Variants in KATNIP observed in about 807,000 individuals in gnomAD.
KATNIP encodes the protein katanin interacting protein.
In KATNIP, 126 loss-of-function variants were observed where a neutral mutation model predicts 174.0. That is an observed-to-expected ratio of 0.72 (90% CI 0.63 to 0.84). The LOEUF (loss-of-function observed/expected upper bound fraction) is 0.84. KATNIP is among the 40% of genes least tolerant of loss of function. KATNIP has a pLI of 0.00. For synonymous variants in KATNIP, 810 were observed against 835.7 expected (o/e 0.97, Z 0.53); for missense variants, 1,958 against 2,109.7 (o/e 0.93, Z 1.41).
At chr16:27,622,840 G>A (rs1219008824) in intron 3 of KATNIP, among the ~76,000 whole-genome samples, 2 of 152,066 alleles carry the variant, frequency 1.3e-5, no homozygotes, top group East Asian at 1.9e-4. Context: ...GGGAGGTGCC[G>A]GCATCTTTAG....
intron 3 of KATNIP, among the ~76,000 whole-genome samples, chr16:27,626,879 G>A (rs998492129): frequency 1.3e-5 from 2 of 151,550 alleles, no homozygotes; most frequent in Non-Finnish European, 2.9e-5. Flanking sequence ...AATCAGAATC[G>A]CTTGAACCCC....
chr16:27,620,738 AG>A (rs201846143), intron 3 of KATNIP, among the ~76,000 whole-genome samples: 3,320 of 152,278 alleles, frequency 0.022, 133 homozygotes, highest in African/African-American at 0.076. Flanking sequence ...TAACCCGAGA[AG>A]GGGGGATGTA....
intron 2 of KATNIP, among the ~76,000 whole-genome samples, chr16:27,613,322 T>C (rs944882679): frequency 1.1e-4 from 16 of 152,144 alleles, no homozygotes; most frequent in African/African-American, 3.6e-4. Flanking sequence ...AGGTGATTTG[T>C]AGGCACATCA....
At chr16:27,754,053 C>CTT (rs1199731594) in intron 17 of KATNIP, 120 bp from the exon 18 acceptor site, 5 of 813,134 alleles carry the variant, frequency 6.1e-6, no homozygotes, top group Admixed American at 2.1e-5. Context: ...CAGGAAAACA[C>CTT]ACAAGGACTT....
At chr16:27,711,158 G>A (rs1040114254) in intron 13 of KATNIP, among the ~76,000 whole-genome samples, 8 of 152,146 alleles carry the variant, frequency 5.3e-5, no homozygotes, top group African/African-American at 1.9e-4. Flanking sequence ...TGGGCCTTGG[G>A]GGAAAGTTGG....
At chr16:27,648,059 A>C (rs115004740) in intron 5 of KATNIP, among the ~76,000 whole-genome samples, 3,329 of 152,130 alleles carry the variant, frequency 0.022, 137 homozygotes, top group African/African-American at 0.076. Flanking sequence ...CTTGGGGAGG[A>C]CGAGGTGGGT....
At chr16:27,720,889 G>A (rs2080202687) in intron 13 of KATNIP, among the ~76,000 whole-genome samples, 1 of 152,150 alleles carries the variant, frequency 6.6e-6, no homozygotes, top group African/African-American at 2.4e-5. Context: ...AAAGTCCCCT[G>A]GTTTGGGTTT....
chr16:27,738,774 C>A (rs1033432288), intron 14 of KATNIP, among the ~76,000 whole-genome samples: 16 of 152,184 alleles, frequency 1.1e-4, no homozygotes, highest in African/African-American at 3.6e-4. Context: ...ATCCTCCTGG[C>A]TCCCTTCCAA....
At chr16:27,570,564 C>A (rs912036222) in intron 1 of KATNIP, among the ~76,000 whole-genome samples, 9 of 152,060 alleles carry the variant, frequency 5.9e-5, no homozygotes, top group African/African-American at 2.2e-4. Context: ...GAGGCTCCAT[C>A]TCAAAATAAA....
chr16:27,581,394 G>A (rs557104900), intron 2 of KATNIP, among the ~76,000 whole-genome samples: 3 of 152,194 alleles, frequency 2.0e-5, no homozygotes, highest in Admixed American at 2.0e-4. Flanking sequence ...GTGCATGAAA[G>A]GGATAGAGCT....
chr16:27,552,676 G>T (rs1405709540), intron 1 of KATNIP, among the ~76,000 whole-genome samples: 1 of 145,364 alleles, frequency 6.9e-6, no homozygotes, highest in Non-Finnish European at 1.5e-5. Flanking sequence ...TGCCTGGCCT[G>T]CAAGTGGCAG....
Position 27,776,716 on chromosome 16 carries a change from A to G in KATNIP, c.4450-212A>G. ...CAAGAACACAGGCCCTCCAAAAGCC[A>G]GCTCAGCGGTTTGTTGCAAATGCAG... On this transcript the variant is annotated intron_variant, in intron 24 of 27. Coordinates refer to ENST00000261588, the MANE Select transcript of KATNIP (RefSeq NM_015202.5). The surrounding 1 kb of genome is among the most constrained non-coding windows in gnomAD (Gnocchi z 4.7). 1 of 519,912 alleles carries G rather than the reference A, an allele frequency of 1.9e-6. No individual in the cohort carries two copies. The highest frequency in any genetic ancestry group is 2.6e-5 in the South Asian group (1 of 38,024). 32.2% of individuals were successfully genotyped at this position (519,912 alleles called of 1,614,324 possible). A position where few individuals can be genotyped will look rare whatever the true frequency, so the allele number is the denominator to read the frequency against.
intron 14 of KATNIP, chr16:27,727,723 A>G (rs999418802): frequency 2.6e-5 from 4 of 152,220 alleles, no homozygotes; most frequent in African/African-American, 9.7e-5. Flanking sequence ...AAGTGAAGAG[A>G]TTAGTTCAGT....
intron 8 of KATNIP, among the ~76,000 whole-genome samples, chr16:27,697,720 G>GGT (rs374669532): frequency 3.3e-4 from 50 of 150,924 alleles, no homozygotes; most frequent in South Asian, 1.3e-3. Flanking sequence ...ATCGATAGAG[G>GGT]GTGTGTGTGT....
chr16:27,578,234 G>A (rs113980711), intron 2 of KATNIP, among the ~76,000 whole-genome samples: 26 of 152,254 alleles, frequency 1.7e-4, no homozygotes, highest in African/African-American at 3.9e-4. Context: ...TCAGGAGGCC[G>A]AGGCAGGAGA....
At chr16:27,579,162 A>G (rs768211779) in intron 2 of KATNIP, among the ~76,000 whole-genome samples, 2 of 152,240 alleles carry the variant, frequency 1.3e-5, no homozygotes, top group Non-Finnish European at 2.9e-5. Context: ...TTCATCTTCC[A>G]ATTCATCCCT....
chr16:27,712,334 G>A (rs2079611118), intron 13 of KATNIP, among the ~76,000 whole-genome samples: 1 of 152,110 alleles, frequency 6.6e-6, no homozygotes, highest in South Asian at 2.1e-4. Context: ...GGGGCTACCG[G>A]AACACACTGC....
chr16:27,604,145 C>T (rs1047118938), intron 2 of KATNIP, among the ~76,000 whole-genome samples: 1 of 152,154 alleles, frequency 6.6e-6, no homozygotes, highest in African/African-American at 2.4e-5. Flanking sequence ...GTCACCCAGG[C>T]TGGAGTAGAG....
intron 20 of KATNIP, among the ~76,000 whole-genome samples, chr16:27,766,718 C>T (rs1228828544): frequency 6.6e-6 from 1 of 152,172 alleles, no homozygotes; most frequent in Non-Finnish European, 1.5e-5. Context: ...CTGGGGGGTC[C>T]TAGGCAGGTC....
Sources: allele counts gnomAD v4.1 joint callset (sites outside exome capture counted in the v4.1 genomes callset), GRCh38; gene constraint gnomAD v4.1.1; non-coding constraint Gnocchi (gnomAD v3.1); transcripts MANE v1.5; gene names NCBI Gene and HGNC (gene_info 2026-07-23, HGNC 2026-07-21).